Variants in PCDH15 observed in about 807,000 individuals in gnomAD.
The protein encoded by PCDH15 is protocadherin related 15.
Under a neutral mutation model 178.5 loss-of-function variants are expected in PCDH15, and 129 were observed. That is an observed-to-expected ratio of 0.72 (90% CI 0.63 to 0.84). The LOEUF (loss-of-function observed/expected upper bound fraction) is 0.84, where lower values mean the gene tolerates loss of function less well. Among genes scored for constraint, PCDH15 ranks in the 40% least tolerant of loss-of-function variants. The pLI is 0.00. For synonymous variants in PCDH15, 800 were observed against 732.0 expected, an observed-to-expected ratio of 1.09 and a Z score of -1.50; for missense variants, 2,230 against 2,099.9, an observed-to-expected ratio of 1.06 and a Z score of -1.21.
At chr10:54,564,288 T>A (rs2088671068) in intron 2 of PCDH15, among the ~76,000 whole-genome samples, 1 of 152,186 alleles carries the variant, frequency 6.6e-6, no homozygotes. Context: ...CTAGGATGTC[T>A]AATTTAAGGC....
rs1023080954 is a variant in PCDH15 at position 54,450,480 on chromosome 10, C to T, written c.158-71538G>A. On this transcript the variant is annotated intron_variant, in intron 3 of 37. Transcript: ENST00000644397. ...TCATTTAGCTCAACTTTTTATTTTGCCCCACATATCTTCTTACGGCTTCTT... is the reference window on the plus strand; with the variant it reads ...TCATTTAGCTCAACTTTTTATTTTGTCCCACATATCTTCTTACGGCTTCTT... Among the ~76,000 whole-genome samples, 39 of 151,280 alleles carry T rather than the reference C, an allele frequency of 2.6e-4. No homozygotes were observed. In the Admixed American group the frequency reaches 2.6e-3, roughly 10 times the overall value.
intron 1 of PCDH15, among the ~76,000 whole-genome samples, chr10:54,732,995 G>A (rs1943611011): frequency 6.6e-6 from 1 of 151,512 alleles, no homozygotes; most frequent in Non-Finnish European, 1.5e-5. Flanking sequence ...TACACTTTCA[G>A]TAAACTATAA....
intron 14 of PCDH15, among the ~76,000 whole-genome samples, chr10:54,138,871 C>T (rs532393563): frequency 1.7e-4 from 26 of 151,910 alleles, no homozygotes; most frequent in African/African-American, 3.9e-4. Flanking sequence ...TGTTTATATG[C>T]GTCTTAATGG....
chr10:54,739,562 G>GAA (rs59307786), intron 1 of PCDH15, among the ~76,000 whole-genome samples: 1 of 114,614 alleles, frequency 8.7e-6, no homozygotes, highest in Non-Finnish European at 1.9e-5. Context: ...TCACAAAATC[G>GAA]AAAAAAAAAA....
intron 1 of PCDH15, among the ~76,000 whole-genome samples, chr10:54,761,895 T>C (rs1468356092): frequency 6.6e-6 from 1 of 152,074 alleles, no homozygotes; most frequent in East Asian, 1.9e-4. Flanking sequence ...GTAATTGGAG[T>C]ATTCTGGGGA....
intron 2 of PCDH15, among the ~76,000 whole-genome samples, chr10:55,544,302 T>G (rs1306123618): frequency 6.6e-6 from 1 of 151,128 alleles, no homozygotes; most frequent in Middle Eastern, 3.2e-3. Context: ...TACATTTAGT[T>G]TTCCTCAGGT....
intron 3 of PCDH15, among the ~76,000 whole-genome samples, chr10:54,491,719 C>T (rs2079612339): frequency 6.6e-6 from 1 of 152,142 alleles, no homozygotes; most frequent in African/African-American, 2.4e-5. Context: ...CTTTTTACTA[C>T]TTTAAGCTCA....
chr10:54,580,666 A>T (rs2090951745), intron 2 of PCDH15, among the ~76,000 whole-genome samples: 2 of 152,098 alleles, frequency 1.3e-5, no homozygotes, highest in Non-Finnish European at 2.9e-5. Flanking sequence ...CTACAGGCTA[A>T]TATCCATGAT....
At chr10:53,825,782 A>ACAT (rs940448287) in intron 32 of PCDH15, among the ~76,000 whole-genome samples, 30 of 151,376 alleles carry the variant, frequency 2.0e-4, no homozygotes, top group African/African-American at 6.3e-4. Context: ...GATAGGTTAA[A>ACAT]CATTTACTAA....
intron 2 of PCDH15, among the ~76,000 whole-genome samples, chr10:55,428,808 G>A (rs1251736364): frequency 6.6e-6 from 1 of 151,730 alleles, no homozygotes; most frequent in Non-Finnish European, 1.5e-5. Flanking sequence ...GCACTCTCAT[G>A]AATTACATTT....
At chr10:53,886,586 T>C (rs928965952) in intron 26 of PCDH15, among the ~76,000 whole-genome samples, 3 of 141,040 alleles carry the variant, frequency 2.1e-5, no homozygotes, top group African/African-American at 5.2e-5. Context: ...CCTGCCCACA[T>C]GTATGCCTCT....
intron 21 of PCDH15, among the ~76,000 whole-genome samples, chr10:53,987,437 G>A (rs564964442): frequency 8.9e-4 from 135 of 152,248 alleles, no homozygotes; most frequent in African/African-American, 3.1e-3. Context: ...TATAAAAGGA[G>A]TGTTGCACGT....
At chr10:54,374,143 GACA>G (rs1394487584) in intron 4 of PCDH15, among the ~76,000 whole-genome samples, 1 of 152,066 alleles carries the variant, frequency 6.6e-6, no homozygotes, top group Non-Finnish European at 1.5e-5. Flanking sequence ...ACAGGTGGTA[GACA>G]ACAATTAGTT....
At chr10:54,048,123 T>C (rs1254644616) in intron 18 of PCDH15, among the ~76,000 whole-genome samples, 2 of 152,202 alleles carry the variant, frequency 1.3e-5, no homozygotes, top group African/African-American at 4.8e-5. Flanking sequence ...AGATGGTATC[T>C]CATTCTGGTT....
chr10:55,515,653 T>C (rs1218742069), intron 2 of PCDH15, among the ~76,000 whole-genome samples: 1 of 152,112 alleles, frequency 6.6e-6, no homozygotes. Flanking sequence ...GAAAAGTTCT[T>C]TGTGGTCCTA....
chr10:54,400,385 A>T (rs1951784230), intron 3 of PCDH15, among the ~76,000 whole-genome samples: 1 of 152,060 alleles, frequency 6.6e-6, no homozygotes. Context: ...GGATAAAGCT[A>T]CTTCTACTAT....
chr10:54,486,585 CCTTT>C (rs960344368), intron 3 of PCDH15, among the ~76,000 whole-genome samples: 4 of 151,746 alleles, frequency 2.6e-5, no homozygotes, highest in South Asian at 2.1e-4. Flanking sequence ...TTCCTTCCTT[CCTTT>C]CTTTTCTTTC....
At chr10:54,177,988 G>A (rs1424910240) in intron 13 of PCDH15, among the ~76,000 whole-genome samples, 3 of 152,084 alleles carry the variant, frequency 2.0e-5, no homozygotes, top group Non-Finnish European at 4.4e-5. Flanking sequence ...AGTATATATA[G>A]AGGTGATGAT....
intron 2 of PCDH15, among the ~76,000 whole-genome samples, chr10:55,613,865 T>G (rs1016421401): frequency 6.6e-6 from 1 of 152,044 alleles, no homozygotes; most frequent in South Asian, 2.1e-4. Flanking sequence ...TCCCAGCACT[T>G]TGGGATGCCG....
Sources: gnomAD v4.1 joint callset for allele counts (sites outside exome capture counted in the v4.1 genomes callset) on GRCh38, gnomAD v4.1.1 for gene constraint, MANE v1.5 for transcripts, NCBI Gene and HGNC (gene_info 2026-07-23, HGNC 2026-07-21) for gene names.